The following NPAS3 variants were observed in gnomAD, a reference collection of about 807,000 sequenced individuals.
NPAS3 encodes the protein neuronal PAS domain-containing protein 3.
Under a neutral mutation model 73.1 loss-of-function variants are expected in NPAS3, and 14 were observed. That is an observed-to-expected ratio of 0.19 (90% confidence interval 0.13 to 0.30). NPAS3 has a LOEUF of 0.30. NPAS3 is among the 10% of genes least tolerant of loss of function. NPAS3 has a pLI of 1.00. For synonymous variants in NPAS3, 620 were observed against 541.5 expected (o/e 1.14, Z -2.01); for missense variants, 1,096 against 1,250.0 (o/e 0.88, Z 1.86).
At chr14:33,631,069 G>A (rs752197391) in intron 5 of NPAS3, among the ~76,000 whole-genome samples, 1 of 152,320 alleles carries the variant, frequency 6.6e-6, no homozygotes, top group Non-Finnish European at 1.5e-5. Flanking sequence ...TGAGCATCCA[G>A]CTTCTTCCAC....
chr14:33,573,920 C>T (rs79709644), intron 5 of NPAS3, among the ~76,000 whole-genome samples: 1 of 152,102 alleles, frequency 6.6e-6, no homozygotes, highest in Admixed American at 6.5e-5. Flanking sequence ...ACTCGAGAAG[C>T]CTTTTTCCGG....
chr14:33,356,969 TTG>T (rs2045365475), intron 3 of NPAS3, among the ~76,000 whole-genome samples: 1 of 152,236 alleles, frequency 6.6e-6, no homozygotes, highest in Non-Finnish European at 1.5e-5. Flanking sequence ...TCAGACAGTC[TTG>T]TAAGCCTGTT....
chr14:32,955,702 A>G (rs2036646454), intron 1 of NPAS3, among the ~76,000 whole-genome samples: 1 of 152,154 alleles, frequency 6.6e-6, no homozygotes, highest in Non-Finnish European at 1.5e-5. Context: ...GAACAGAGTT[A>G]GAAAATGAAG....
chr14:33,595,352 A>AG (rs1292681902), intron 5 of NPAS3, among the ~76,000 whole-genome samples: 1 of 152,078 alleles, frequency 6.6e-6, no homozygotes, highest in Non-Finnish European at 1.5e-5. Flanking sequence ...CCAGTGTTTG[A>AG]GAAAAGCAGA....
intron 2 of NPAS3, among the ~76,000 whole-genome samples, chr14:33,210,997 A>G (rs2047012306): frequency 6.6e-6 from 1 of 152,214 alleles, no homozygotes; most frequent in African/African-American, 2.4e-5. Context: ...TGAGCATTGC[A>G]GGCATTAGAA....
At chr14:33,313,909 T>C (rs1174038038) in intron 3 of NPAS3, among the ~76,000 whole-genome samples, 1 of 152,086 alleles carries the variant, frequency 6.6e-6, no homozygotes, top group Non-Finnish European at 1.5e-5. Flanking sequence ...CTTTTACCTT[T>C]CAAATGTTAT....
intron 2 of NPAS3, among the ~76,000 whole-genome samples, chr14:33,165,515 T>C (rs1315601017): frequency 6.6e-6 from 1 of 152,042 alleles, no homozygotes; most frequent in Non-Finnish European, 1.5e-5. Context: ...TACTGAACTG[T>C]AAAACTCAAA....
intron 7 of NPAS3, among the ~76,000 whole-genome samples, 168 bp from the exon 8 acceptor site, chr14:33,774,169 T>G (rs966591405): frequency 5.3e-5 from 8 of 152,200 alleles, no homozygotes; most frequent in African/African-American, 9.7e-5. Context: ...ATTTCTTTTT[T>G]GTCTCTTGCC....
At chr14:33,457,571 G>A (rs550120508) in intron 4 of NPAS3, among the ~76,000 whole-genome samples, 87 of 152,306 alleles carry the variant, frequency 5.7e-4, no homozygotes, top group African/African-American at 2.0e-3. Context: ...ACAGTAGGAT[G>A]CATTTGAGGA....
rs1164999154 is a variant in NPAS3, at chr14:33,393,241, AATG to A, written c.468+25976_468+25978del. On this transcript the variant is annotated intron_variant, in intron 4 of 11. Coordinates refer to ENST00000356141, the Ensembl canonical transcript of NPAS3. ...TTGGGGAGCATTGTTAAGCCATTGA[AATG>A]ATATTTGTTAAGCTGTGGTCACCGT... is the stretch of plus-strand genomic sequence containing the variant. Among the ~76,000 whole-genome samples the A allele has an allele frequency of 5.9e-5, 9 of 152,236 alleles. No individual in the cohort carries two copies. In the South Asian group the frequency reaches 1.0e-3, roughly 18 times the overall value.
chr14:33,225,772 A>C (rs2047608418), intron 3 of NPAS3, among the ~76,000 whole-genome samples: 1 of 152,174 alleles, frequency 6.6e-6, no homozygotes, highest in Non-Finnish European at 1.5e-5. Flanking sequence ...ACCTGCATGC[A>C]TGCCATAGAT....
rs558493651 is a variant in NPAS3, at chr14:33,572,445, A to G, written c.558+12235A>G. The stretch of plus-strand genomic sequence containing the variant: ...GCACTGTTCTAAGTACTTTAAATAC[A>G]TTAAGGTTTGTAATCCTAACGATTG... On this transcript the variant is annotated intron_variant, in intron 5 of 11. Coordinates refer to ENST00000356141, the Ensembl canonical transcript of NPAS3. Among the ~76,000 whole-genome samples the G allele has an allele frequency of 6.3e-4, 96 of 152,344 alleles. 1 individual carries two copies. Among genetic ancestry groups the G allele is most frequent in the African/African-American group, 2.3e-3 (94 of 41,570 alleles).
intron 5 of NPAS3, among the ~76,000 whole-genome samples, chr14:33,635,177 G>GA (rs1567073121): frequency 6.6e-6 from 1 of 152,210 alleles, no homozygotes; most frequent in Non-Finnish European, 1.5e-5. Context: ...GTTTTGAGAA[G>GA]AAAAGAATGG....
At chr14:33,801,044 C>G (rs373179570) in exon 12 of NPAS3, 12 of 1,593,708 alleles carry the variant, frequency 7.5e-6, no homozygotes, top group Non-Finnish European at 1.0e-5. Flanking sequence ...CTTCTCCACG[C>G]TGCCCTTCCC....
chr14:33,272,486 G>T (rs559992024), intron 3 of NPAS3, among the ~76,000 whole-genome samples: 1 of 152,028 alleles, frequency 6.6e-6, no homozygotes, highest in African/African-American at 2.4e-5. Flanking sequence ...GCATGATCTC[G>T]GCTCACTGCA....
intron 4 of NPAS3, among the ~76,000 whole-genome samples, chr14:33,372,148 T>C (rs919392514): frequency 6.6e-6 from 1 of 152,188 alleles, no homozygotes. Flanking sequence ...CAAATACCAG[T>C]GTGGAGTTCA....
At position 33,040,124 on chromosome 14, in the gene NPAS3, C is replaced by T. The variant is rs578013258; in HGVS notation, c.51-15781C>T. Among the ~76,000 whole-genome samples, 4 of 152,068 alleles carry T rather than the reference C, an allele frequency of 2.6e-5. No individual in the cohort carries two copies. In the East Asian group the frequency reaches 7.7e-4, roughly 29 times the overall value. On this transcript the variant is annotated intron_variant, in intron 1 of 11. Coordinates refer to ENST00000356141, the Ensembl canonical transcript of NPAS3. ...CAGGGTTAGGCTGTTAGGATTGTGA[C>T]TGACTAGAAGTGGCAGTAACCTGCA...
intron 2 of NPAS3, among the ~76,000 whole-genome samples, chr14:33,152,533 G>A (rs2044486962): frequency 6.6e-6 from 1 of 152,040 alleles, no homozygotes; most frequent in Non-Finnish European, 1.5e-5. Context: ...GTAGTTTGCT[G>A]GGAAAGGGTA....
chr14:33,465,828 G>A (rs780956576), intron 4 of NPAS3, among the ~76,000 whole-genome samples: 4 of 151,194 alleles, frequency 2.6e-5, no homozygotes, highest in Non-Finnish European at 4.4e-5. Context: ...ATCATTATTC[G>A]GTTTTATTTG....
Sources: gnomAD v4.1 joint callset for allele counts (sites outside exome capture counted in the v4.1 genomes callset) on GRCh38, gnomAD v4.1.1 for gene constraint, MANE v1.5 for transcripts, NCBI Gene and HGNC (gene_info 2026-07-23, HGNC 2026-07-21) for gene names.